Variants in EVC2 observed in about 807,000 individuals in gnomAD.
EVC2 encodes the protein EvC ciliary complex subunit 2.
Under a neutral mutation model 149.3 loss-of-function variants are expected in EVC2, and 148 were observed. The ratio of observed to expected loss-of-function variants is 0.99; its 90% CI spans 0.87 to 1.14. The LOEUF is 1.14. EVC2 is among the 50% of genes most tolerant of loss of function. EVC2 has a pLI of 0.00. For missense variants in EVC2, 1,854 were observed against 1,627.3 expected, an observed-to-expected ratio of 1.14 and a Z score of -2.40; for synonymous variants, 776 against 649.9, an observed-to-expected ratio of 1.19 and a Z score of -2.95.
At chr4:5,691,733 A>T (rs1721134175) in intron 3 of EVC2, among the ~76,000 whole-genome samples, 1 of 152,170 alleles carries the variant, frequency 6.6e-6, no homozygotes, top group South Asian at 2.1e-4. Flanking sequence ...AACAAAGGGC[A>T]GTGTGTCTGG....
At chr4:5,546,684 G>A (rs1239768543) in intron 21 of EVC2, among the ~76,000 whole-genome samples, 1 of 151,780 alleles carries the variant, frequency 6.6e-6, no homozygotes, top group Non-Finnish European at 1.5e-5. Context: ...CCTGCATGTT[G>A]TGCACATGTA....
intron 16 of EVC2, among the ~76,000 whole-genome samples, chr4:5,597,032 G>A (rs913959332): frequency 4.6e-5 from 7 of 152,070 alleles, no homozygotes; most frequent in South Asian, 2.1e-4. Context: ...CTGAAATCTC[G>A]GAATAGACTA....
rs1722183189 is a variant in EVC2, at chr4:5,706,417, G to GATAC, written c.228+1868_228+1869insGTAT. Among the ~76,000 whole-genome samples the GATAC allele has an allele frequency of 3.4e-4, 21 of 61,540 alleles. 2 individuals are homozygous for GATAC. The highest frequency in any genetic ancestry group is 1.4e-3 in the African/African-American group (15 of 10,690). 40.4% of individuals were successfully genotyped at this position (61,540 alleles called of 152,430 possible). ...ACATAGATAGATAGATAGATACATA[G>GATAC]ATAGATAGATACATAGATAGATAGA... On this transcript the variant is annotated intron_variant, in intron 1 of 21. Transcript: ENST00000344408.
At chr4:5,704,949 A>T (rs1378936589) in intron 1 of EVC2, among the ~76,000 whole-genome samples, 2 of 152,056 alleles carry the variant, frequency 1.3e-5, no homozygotes, top group African/African-American at 4.8e-5. Flanking sequence ...ACCTCAAGCG[A>T]TCCTCCTGAC....
chr4:5,683,009 A>T (rs1444149966), intron 6 of EVC2, among the ~76,000 whole-genome samples: 2 of 152,198 alleles, frequency 1.3e-5, no homozygotes, highest in African/African-American at 4.8e-5. Context: ...TCCCCGATCC[A>T]TGCCCTACAG....
intron 10 of EVC2, among the ~76,000 whole-genome samples, chr4:5,634,353 G>T (rs751591726): frequency 6.6e-6 from 1 of 152,172 alleles, no homozygotes. Context: ...GGGGCATTCC[G>T]CTACGAATGA....
At chr4:5,700,108 C>T (rs2151742246) in intron 1 of EVC2, among the ~76,000 whole-genome samples, 1 of 152,060 alleles carries the variant, frequency 6.6e-6, no homozygotes, top group South Asian at 2.1e-4. Flanking sequence ...CCACTGCACT[C>T]AGGTATGGGT....
rs2108846962 is a variant in EVC2 at position 5,628,556 on chromosome 4, T to C, written c.1886+3A>G. 6.2e-7 allele frequency: 1 copy of C among 1,614,150 alleles called. No individual in the cohort carries two copies. Among genetic ancestry groups the C allele is most frequent in the Non-Finnish European group, 8.5e-7 (1 of 1,180,022 alleles). On this transcript the variant is annotated splice_donor_region_variant and intron_variant, in intron 12 of 21. Transcript: ENST00000344408. ...GCACTGTTGGGACAGTGTTGAGTGGTACCTCTCGTGCTTCTGAATGAGGTG... is the reference window on the plus strand; with the variant it reads ...GCACTGTTGGGACAGTGTTGAGTGGCACCTCTCGTGCTTCTGAATGAGGTG...
At chr4:5,583,461 C>G (rs889387193) in intron 17 of EVC2, among the ~76,000 whole-genome samples, 15 of 152,160 alleles carry the variant, frequency 9.9e-5, no homozygotes, top group Non-Finnish European at 2.2e-4. Context: ...TGCTCATCTA[C>G]GAAACTACTG....
At chr4:5,632,059 GA>G in intron 10 of EVC2, 27 bp from the exon 11 acceptor site, 2 of 1,612,950 alleles carry the variant, frequency 1.2e-6, no homozygotes, top group Non-Finnish European at 1.7e-6. Context: ...GAGAGCGTGA[GA>G]AACTGACACA....
At chr4:5,709,198 A>G, upstream of EVC2, 1 of 152,436 alleles carries the variant, frequency 6.6e-6, no homozygotes, top group Non-Finnish European at 1.5e-5. Context: ...CTGAAGTCGC[A>G]GCCCTAAGCA....
At position 5,694,459 on chromosome 4, in the gene EVC2, A is replaced by C. The variant is rs1721335491; in HGVS notation, c.326T>G (p.Val109Gly). ...LGMKLDKKME[V>G]FIPLSTSAAS... is the part of the protein sequence containing the mutation. ...TGCAGAAGTTGAGAGTGGGATGAAGACTTCCATTTTCTTGTCCAATTTCAT... is the reference window on the plus strand; with the variant it reads ...TGCAGAAGTTGAGAGTGGGATGAAGCCTTCCATTTTCTTGTCCAATTTCAT... Residue 109 changes from valine to glycine, a missense_variant, in exon 3 of 22, where the codon GTC becomes GGC. Coordinates refer to ENST00000344408, the MANE Select transcript of EVC2 (RefSeq NM_147127.5). 1.2e-6 allele frequency: 2 copies of C among 1,614,080 alleles called. No homozygotes were observed. Among genetic ancestry groups the C allele is most frequent in the South Asian group, 2.2e-5 (2 of 91,088 alleles).
intron 3 of EVC2, 44 bp from the exon 4 acceptor site, chr4:5,691,377 A>T: frequency 6.7e-7 from 1 of 1,490,626 alleles, no homozygotes; most frequent in Non-Finnish European, 9.3e-7. Context: ...GAAATATTTC[A>T]TGCTATACAT....
chr4:5,538,693 A>AT (rs1427807370), downstream of EVC2, among the ~76,000 whole-genome samples: 1 of 152,208 alleles, frequency 6.6e-6, no homozygotes, highest in Non-Finnish European at 1.5e-5. Flanking sequence ...AATCAATATA[A>AT]TTTACTCTAT....
chr4:5,587,226 T>G (rs1712368176), intron 16 of EVC2, among the ~76,000 whole-genome samples: 1 of 152,164 alleles, frequency 6.6e-6, no homozygotes, highest in Non-Finnish European at 1.5e-5. Flanking sequence ...TCACCACCCC[T>G]AAAGCAAAAG....
chr4:5,698,761 C>T (rs901976760), intron 1 of EVC2, among the ~76,000 whole-genome samples: 4 of 152,228 alleles, frequency 2.6e-5, no homozygotes, highest in African/African-American at 4.8e-5. Flanking sequence ...GAGCCTGGCA[C>T]GCAAGCAGCC....
chr4:5,572,234 G>C (rs995415787), intron 19 of EVC2, among the ~76,000 whole-genome samples: 2 of 152,172 alleles, frequency 1.3e-5, no homozygotes, highest in Admixed American at 1.3e-4. Flanking sequence ...CTGCTGCCCA[G>C]AGCTTCCGGT....
At chr4:5,615,675 G>T (rs1048117204) in intron 15 of EVC2, 131 bp from the exon 16 acceptor site, 1 of 1,259,926 alleles carries the variant, frequency 7.9e-7, no homozygotes, top group Non-Finnish European at 1.1e-6. Context: ...CCTTAGGCCA[G>T]AGAGGGGAGG....
chr4:5,681,781 T>A (rs1720362096), intron 6 of EVC2, among the ~76,000 whole-genome samples: 1 of 152,220 alleles, frequency 6.6e-6, no homozygotes, highest in African/African-American at 2.4e-5. Flanking sequence ...AATATTCCTC[T>A]GCTGAGAAGA....
Sources: allele counts gnomAD v4.1 joint callset (sites outside exome capture counted in the v4.1 genomes callset), GRCh38; gene constraint gnomAD v4.1.1; transcripts MANE v1.5; gene names NCBI Gene and HGNC (gene_info 2026-07-23, HGNC 2026-07-21).